INPP5A: variants seen among roughly 807,000 people sequenced by gnomAD.
INPP5A encodes inositol polyphosphate-5-phosphatase A.
In INPP5A, 14 loss-of-function variants were observed where a neutral mutation model predicts 65.2. The observed-to-expected ratio is 0.21, with a 90% confidence interval of 0.14 to 0.34. The LOEUF is 0.34. INPP5A is among the 10% of genes least tolerant of loss of function. The pLI, the probability that INPP5A is intolerant of heterozygous loss-of-function variation, is 1.00. For missense variants in INPP5A, 431 were observed against 545.6 expected, an observed-to-expected ratio of 0.79 and a Z score of 2.09; for synonymous variants, 207 against 208.3, an observed-to-expected ratio of 0.99 and a Z score of 0.05.
At chr10:132,632,034 G>T (rs777656199) in intron 2 of INPP5A, among the ~76,000 whole-genome samples, 1 of 152,226 alleles carries the variant, frequency 6.6e-6, no homozygotes, top group Non-Finnish European at 1.5e-5. Flanking sequence ...GTGGAGATGT[G>T]CACCCCCATG....
intron 1 of INPP5A, among the ~76,000 whole-genome samples, chr10:132,562,927 G>T (rs911114361): frequency 1.3e-5 from 2 of 152,218 alleles, no homozygotes; most frequent in Admixed American, 6.5e-5. Flanking sequence ...TCTGCTCCCT[G>T]GTGCCCCCTT....
At chr10:132,748,663 G>A (rs535815852) in intron 9 of INPP5A, among the ~76,000 whole-genome samples, 64 of 152,334 alleles carry the variant, frequency 4.2e-4, no homozygotes, top group African/African-American at 1.4e-3. Flanking sequence ...GATCTGTGCC[G>A]GCTGTCCGCC....
chr10:132,637,151 T>A lies in INPP5A; in HGVS notation c.118-8717T>A, dbSNP rs1388798655. ...CAGGATGGTCTTGATCTCCTGACCT[T>A]GTGGTTGATCCGCCCGCTGCCTCGG... On this transcript the variant is annotated intron_variant, in intron 2 of 15. Transcript: ENST00000368594. This position sits in a 1 kb window ranked among gnomAD's most constrained non-coding sequence, Gnocchi z 4.1. Among the ~76,000 whole-genome samples the A allele has an allele frequency of 6.6e-6, 1 of 152,156 alleles. No homozygotes were observed. The highest frequency in any genetic ancestry group is 1.5e-5 in the Non-Finnish European group (1 of 68,018).
chr10:132,648,734 A>G (rs1314427365), intron 3 of INPP5A, among the ~76,000 whole-genome samples: 1 of 152,162 alleles, frequency 6.6e-6, no homozygotes, highest in Admixed American at 6.5e-5. Flanking sequence ...GCTGGCGAGA[A>G]TCTCGCCATT....
At chr10:132,617,550 A>G (rs1207086378) in intron 2 of INPP5A, among the ~76,000 whole-genome samples, 1 of 152,206 alleles carries the variant, frequency 6.6e-6, no homozygotes. Flanking sequence ...TCGTGTGGCC[A>G]GTGCAGATCT....
At chr10:132,774,197 G>T (rs1233902552) in intron 12 of INPP5A, among the ~76,000 whole-genome samples, 1 of 152,198 alleles carries the variant, frequency 6.6e-6, no homozygotes, top group Non-Finnish European at 1.5e-5. Flanking sequence ...GTGGCAGCTG[G>T]TGTGTTTGGA....
At chr10:132,688,778 T>A (rs1047907838) in intron 4 of INPP5A, among the ~76,000 whole-genome samples, 2 of 144,662 alleles carry the variant, frequency 1.4e-5, no homozygotes, top group African/African-American at 5.3e-5. Context: ...ACGAATGAGT[T>A]CGTGTGTGAG....
rs1446611909 is a variant in INPP5A, at chr10:132,705,015, C to T, written c.475-3298C>T. On this transcript the variant is annotated intron_variant, in intron 6 of 15. Transcript: ENST00000368594. This position sits in a 1 kb window ranked among gnomAD's most constrained non-coding sequence, Gnocchi z 4.9. ...TGGAGTGTGGAGGATGGAGGAAGGG[C>T]GTCTGGACAGGTGGCAGGCGGCTCG... Among the ~76,000 whole-genome samples, 2 of 151,776 alleles carry T rather than the reference C, an allele frequency of 1.3e-5. No individual in the cohort carries two copies. The highest frequency in any genetic ancestry group is 2.9e-5 in the Non-Finnish European group (2 of 67,960).
chr10:132,759,949 G>A (rs760186236), intron 11 of INPP5A, among the ~76,000 whole-genome samples: 5 of 152,150 alleles, frequency 3.3e-5, no homozygotes, highest in Non-Finnish European at 5.9e-5. Flanking sequence ...TCAGGGCTGC[G>A]GCCTCACGAC....
At chr10:132,773,069 C>T (rs183965726) in intron 12 of INPP5A, among the ~76,000 whole-genome samples, 108 of 152,356 alleles carry the variant, frequency 7.1e-4, no homozygotes, top group East Asian at 9.6e-4. Flanking sequence ...CACCTCCCAC[C>T]GCCCTCCCCG....
rs958287566 is a variant in INPP5A at position 132,663,856 on chromosome 10, C to T, written c.306+13351C>T. ...GCTCACATCATTCCTCTCCCCCTGT[C>T]GCCGGGTGGGAAATCCGTAACAGGC... On this transcript the variant is annotated intron_variant, in intron 4 of 15. Transcript: ENST00000368594. This position sits in a 1 kb window ranked among gnomAD's most constrained non-coding sequence, Gnocchi z 4.5. Among the ~76,000 whole-genome samples, 4 of 152,224 alleles carry T rather than the reference C, an allele frequency of 2.6e-5. No homozygotes were observed. The highest frequency in any genetic ancestry group is 5.9e-5 in the Non-Finnish European group (4 of 68,044).
At chr10:132,560,223 G>C (rs556365463) in intron 1 of INPP5A, among the ~76,000 whole-genome samples, 2 of 151,966 alleles carry the variant, frequency 1.3e-5, no homozygotes, top group Non-Finnish European at 2.9e-5. Flanking sequence ...CAGCTGTCTC[G>C]GGTGTAGACC....
At chr10:132,765,725 G>C (rs1260445623) in intron 11 of INPP5A, 48 bp from the exon 12 acceptor site, 3 of 1,177,168 alleles carry the variant, frequency 2.5e-6, no homozygotes, top group Non-Finnish European at 2.6e-6. Flanking sequence ...CGTGCCCCCA[G>C]CGAGGAAAAC....
intron 1 of INPP5A, among the ~76,000 whole-genome samples, chr10:132,544,876 T>A (rs2070949990): frequency 6.6e-6 from 1 of 152,158 alleles, no homozygotes; most frequent in South Asian, 2.1e-4. Context: ...CCTGTTTTTT[T>A]ATCAGTCTCT....
At chr10:132,719,114 G>A (rs368888606) in intron 8 of INPP5A, among the ~76,000 whole-genome samples, 11 of 146,488 alleles carry the variant, frequency 7.5e-5, no homozygotes, top group East Asian at 4.1e-4. Flanking sequence ...CACCTTAGAC[G>A]ACTGTCTTCA....
rs1207225154 is a variant in INPP5A at position 132,644,187 on chromosome 10, G to A, written c.118-1681G>A. ...GCACTGCCTGGGCCTGAAGGCAGTG[G>A]GCTGTCTGGCCTCCTGAGTGCCCGG... is the stretch of plus-strand genomic sequence containing the variant. On this transcript the variant is annotated intron_variant, in intron 2 of 15. Transcript: ENST00000368594. The surrounding 1 kb of genome is among the most constrained non-coding windows in gnomAD (Gnocchi z 6.5). Among the ~76,000 whole-genome samples, 1 of 152,216 alleles carries A rather than the reference G, an allele frequency of 6.6e-6. No homozygotes were observed. The highest frequency in any genetic ancestry group is 6.5e-5 in the Admixed American group (1 of 15,288).
intron 2 of INPP5A, among the ~76,000 whole-genome samples, chr10:132,642,295 C>T (rs2072436136): frequency 6.6e-6 from 1 of 152,194 alleles, no homozygotes; most frequent in Admixed American, 6.5e-5. Flanking sequence ...TGTGCAGTGT[C>T]CGGCGGGCTG....
At position 132,627,795 on chromosome 10, in the gene INPP5A, C is replaced by T. The variant is rs985214484; in HGVS notation, c.118-18073C>T. The stretch of plus-strand genomic sequence containing the variant: ...CAGACTTTCTTCATCCTCAGGGTAA[C>T]GGCAGCCACGGACAGATTTGTGAGG... On this transcript the variant is annotated intron_variant, in intron 2 of 15. Transcript: ENST00000368594. The surrounding 1 kb of genome is among the most constrained non-coding windows in gnomAD (Gnocchi z 6.6). Among the ~76,000 whole-genome samples the T allele has an allele frequency of 3.3e-5, 5 of 152,092 alleles. No homozygotes were observed. The highest frequency in any genetic ancestry group is 7.2e-5 in the African/African-American group (3 of 41,394).
rs1322103291 is a variant in INPP5A at position 132,777,666 on chromosome 10, C to G, written c.978-5C>G. On this transcript the variant is annotated splice_polypyrimidine_tract_variant and splice_region_variant and intron_variant, in intron 12 of 15. Transcript: ENST00000368594. ...GGCTGACCCTCTGCCTTCATGTCTC[C>G]CCAGCTACCCGTACAGTGAGGACGC... 1.9e-6 allele frequency: 3 copies of G among 1,611,806 alleles called. No homozygotes were observed. The South Asian group carries it at 3.3e-5, about 18-fold the overall frequency.
Sources: gnomAD v4.1 joint callset for allele counts (sites outside exome capture counted in the v4.1 genomes callset) on GRCh38, gnomAD v4.1.1 for gene constraint, Gnocchi (gnomAD v3.1) non-coding constraint, MANE v1.5 for transcripts, NCBI Gene and HGNC (gene_info 2026-07-23, HGNC 2026-07-21) for gene names.